Variants in RHPN2 observed in about 807,000 individuals in gnomAD.
RHPN2 encodes the protein rhophilin Rho GTPase binding protein 2.
Under a neutral mutation model 79.0 loss-of-function variants are expected in RHPN2, and 40 were observed. That is an observed-to-expected ratio of 0.51 (90% CI 0.39 to 0.66). The LOEUF is 0.66. Ranked by LOEUF, RHPN2 falls within the 30% of genes least tolerant of loss-of-function variation. RHPN2 has a pLI of 0.00. For missense variants in RHPN2, 686 were observed against 883.5 expected (o/e 0.78, Z 2.83); for synonymous variants, 285 against 363.5 (o/e 0.78, Z 2.46).
chr19:33,018,528 C>T (rs1971896479), intron 4 of RHPN2, among the ~76,000 whole-genome samples: 1 of 152,132 alleles, frequency 6.6e-6, no homozygotes, highest in South Asian at 2.1e-4. Context: ...CTGCAATTCC[C>T]GAATTGTTTT....
In RHPN2 at chr19:33,024,660, C is replaced by A. The variant is rs923435880; in HGVS notation, c.314+1844G>T. On this transcript the variant is annotated intron_variant, in intron 3 of 14. Coordinates refer to ENST00000254260, the MANE Select transcript of RHPN2 (RefSeq NM_033103.5). ...GGAGCTATTTTCCGACTGAGTTTCC[C>A]CTGGGGCCCACCTACTTTTTGAGAA... Among the ~76,000 whole-genome samples the A allele has an allele frequency of 7.0e-4, 103 of 147,624 alleles. 1 individual carries two copies. The highest frequency in any genetic ancestry group is 1.5e-4 in the Non-Finnish European group (10 of 67,654).
At chr19:33,036,873 C>G (rs1568322696) in intron 2 of RHPN2, among the ~76,000 whole-genome samples, 2 of 143,324 alleles carry the variant, frequency 1.4e-5, no homozygotes, top group South Asian at 2.2e-4. Flanking sequence ...TGCCTGAGCC[C>G]CCCCGCCACC....
At position 33,026,469 on chromosome 19, in the gene RHPN2, C is replaced by T. The variant is rs201017010; in HGVS notation, c.314+35G>A. On this transcript the variant is annotated intron_variant, in intron 3 of 14. Coordinates refer to ENST00000254260, the MANE Select transcript of RHPN2 (RefSeq NM_033103.5). ...CTGGATGTACGAAGGATCTCTGGCTCAGAGGCTTTTGGAAGGTGTGCTGCT... is the reference window on the plus strand; with the variant it reads ...CTGGATGTACGAAGGATCTCTGGCTTAGAGGCTTTTGGAAGGTGTGCTGCT... 1.7e-4 allele frequency: 279 copies of T among 1,604,238 alleles called. 2 individuals are homozygous for T. The highest frequency in any genetic ancestry group is 1.0e-3 in the Middle Eastern group (6 of 5,958).
At chr19:33,015,475 T>G (rs75949166) in intron 4 of RHPN2, among the ~76,000 whole-genome samples, 7 of 138,768 alleles carry the variant, frequency 5.0e-5, no homozygotes, top group Non-Finnish European at 7.9e-5. Context: ...AGGGACAAAA[T>G]GAGAATTTCT....
chr19:33,036,741 C>T (rs1319180636), intron 2 of RHPN2, among the ~76,000 whole-genome samples: 2 of 152,208 alleles, frequency 1.3e-5, no homozygotes, highest in African/African-American at 2.4e-5. Flanking sequence ...GAGCCGACGT[C>T]CGGCCCGCTG....
In RHPN2 at chr19:33,008,020, C is replaced by A; in HGVS notation, c.754G>T (p.Ala252Ser). ...AGCCCTGGAGGAGACATACCTGCGG[C>A]TCTCTGAAAGGCATCTATGGCACTC... is the stretch of plus-strand genomic sequence containing the variant. ...LESAIDAFQR[A>S]AGVLNYLKDT... The change falls in exon 7 of 15, where the codon GCC becomes TCC. Residue 252 changes from alanine (A) to serine (S), a missense_variant. Coordinates refer to ENST00000254260, the MANE Select transcript of RHPN2 (RefSeq NM_033103.5). The A allele has an allele frequency of 6.2e-7, 1 of 1,612,182 alleles. No individual in the cohort carries two copies. The highest frequency in any genetic ancestry group is 8.5e-7 in the Non-Finnish European group (1 of 1,179,902).
intron 3 of RHPN2, among the ~76,000 whole-genome samples, chr19:33,025,981 G>GTTTTT (rs71340523): frequency 7.0e-5 from 9 of 129,102 alleles, no homozygotes; most frequent in African/African-American, 5.9e-5. Flanking sequence ...GTGTTCATTT[G>GTTTTT]TTTTTTTTTT....
chr19:33,064,224 C>T (rs1972306645), intron 1 of RHPN2, among the ~76,000 whole-genome samples: 2 of 152,058 alleles, frequency 1.3e-5, no homozygotes, highest in Admixed American at 6.6e-5. Flanking sequence ...GTCCCAGTTA[C>T]TCGGGAGGCT....
chr19:32,986,874 T>C (rs1233738907), intron 14 of RHPN2, among the ~76,000 whole-genome samples: 4 of 151,800 alleles, frequency 2.6e-5, no homozygotes, highest in Non-Finnish European at 5.9e-5. Flanking sequence ...CTGTGGCTTT[T>C]ATTTATTATT....
At chr19:33,024,817 G>A (rs1035562593) in intron 3 of RHPN2, among the ~76,000 whole-genome samples, 1 of 152,086 alleles carries the variant, frequency 6.6e-6, no homozygotes, top group African/African-American at 2.4e-5. Flanking sequence ...ACTTTTTTCT[G>A]TTGCCATTAC....
At chr19:33,016,263 G>A (rs1414543792) in intron 4 of RHPN2, among the ~76,000 whole-genome samples, 3 of 151,512 alleles carry the variant, frequency 2.0e-5, no homozygotes, top group Non-Finnish European at 4.4e-5. Flanking sequence ...CCAGGATGGA[G>A]TGCAGGGGCT....
At chr19:33,050,281 G>T (rs1972176189) in intron 1 of RHPN2, among the ~76,000 whole-genome samples, 1 of 152,122 alleles carries the variant, frequency 6.6e-6, no homozygotes, top group Admixed American at 6.6e-5. Flanking sequence ...AAACAGATTT[G>T]GCGATGTCAT....
At chr19:33,003,357 CAAAAAAAAAAAA>C (rs56166279) in intron 7 of RHPN2, among the ~76,000 whole-genome samples, 3 of 66,616 alleles carry the variant, frequency 4.5e-5, no homozygotes, top group East Asian at 8.6e-4. Flanking sequence ...GACTCTGTCT[CAAAAAAAAAAAA>C]AAAAAAAAAA....
In RHPN2 at chr19:33,026,103, C is replaced by G. The variant is rs568758342; in HGVS notation, c.314+401G>C. ...AACTCCCGGGTTCAAGCAATTCTGC[C>G]TCAGCCTCTGAGAAGCCAGGATTAC... On this transcript the variant is annotated intron_variant, in intron 3 of 14. Coordinates refer to ENST00000254260, the MANE Select transcript of RHPN2 (RefSeq NM_033103.5). Among the ~76,000 whole-genome samples the G allele has an allele frequency of 2.0e-5, 3 of 151,596 alleles. No homozygotes were observed. The East Asian group carries it at 5.9e-4, about 30-fold the overall frequency.
intron 4 of RHPN2, among the ~76,000 whole-genome samples, chr19:33,017,302 A>G (rs1162667408): frequency 1.3e-5 from 2 of 152,060 alleles, no homozygotes; most frequent in Non-Finnish European, 2.9e-5. Context: ...TGAACCCAGG[A>G]GGCAGAGGTT....
intron 1 of RHPN2, among the ~76,000 whole-genome samples, chr19:33,050,288 T>C (rs908537154): frequency 1.3e-5 from 2 of 152,196 alleles, no homozygotes; most frequent in Non-Finnish European, 2.9e-5. Context: ...TTTGGCGATG[T>C]CATCTGAGCC....
At chr19:33,061,510 G>A (rs1972280310) in intron 1 of RHPN2, among the ~76,000 whole-genome samples, 2 of 150,258 alleles carry the variant, frequency 1.3e-5, no homozygotes, top group Non-Finnish European at 1.5e-5. Flanking sequence ...GGGGTACGGA[G>A]TCTCACTCTG....
chr19:33,047,320 C>T (rs1362514524), intron 1 of RHPN2, among the ~76,000 whole-genome samples: 1 of 152,152 alleles, frequency 6.6e-6, no homozygotes, highest in Non-Finnish European at 1.5e-5. Flanking sequence ...ATAATCTTGA[C>T]ACTTTAATTT....
At chr19:32,985,638 C>A (rs1971608359) in intron 14 of RHPN2, among the ~76,000 whole-genome samples, 1 of 152,054 alleles carries the variant, frequency 6.6e-6, no homozygotes, top group African/African-American at 2.4e-5. Flanking sequence ...AAAAAACAAA[C>A]CTTCTTTTTT....
Sources: allele counts gnomAD v4.1 joint callset (sites outside exome capture counted in the v4.1 genomes callset), GRCh38; gene constraint gnomAD v4.1.1; transcripts MANE v1.5; gene names NCBI Gene and HGNC (gene_info 2026-07-23, HGNC 2026-07-21).